The following PLCH1 variants were observed in gnomAD, a reference collection of about 807,000 sequenced individuals.
The protein encoded by PLCH1 is 1-phosphatidylinositol 4,5-bisphosphate phosphodiesterase eta-1.
Under a neutral mutation model 126.7 loss-of-function variants are expected in PLCH1, and 60 were observed. The ratio of observed to expected loss-of-function variants is 0.47; its 90% CI spans 0.38 to 0.59. The LOEUF is 0.59. Ranked by LOEUF, PLCH1 falls within the 20% of genes least tolerant of loss-of-function variation. PLCH1 has a pLI of 0.00. For missense variants in PLCH1, 1,723 were observed against 2,040.0 expected (o/e 0.84, Z 2.99); for synonymous variants, 719 against 734.9 (o/e 0.98, Z 0.35).
intron 13 of PLCH1, among the ~76,000 whole-genome samples, chr3:155,503,716 T>C (rs914070079): frequency 6.6e-6 from 1 of 152,156 alleles, no homozygotes; most frequent in African/African-American, 2.4e-5. Flanking sequence ...TTTTGTATTT[T>C]TAGTAGAGAC....
At chr3:155,593,895 CACAG>C (rs756419908) in intron 4 of PLCH1, 42 bp downstream of exon 4, 5 of 1,596,082 alleles carry the variant, frequency 3.1e-6, no homozygotes, top group Admixed American at 1.7e-5. Context: ...CACACGCATA[CACAG>C]AGAGCAAGAG....
intron 14 of PLCH1, 92 bp downstream of exon 14, chr3:155,500,611 A>G: frequency 2.6e-6 from 2 of 760,962 alleles, no homozygotes; most frequent in Non-Finnish European, 4.6e-6. Flanking sequence ...TTGTGATCCA[A>G]TTCTCTAGAC....
intron 1 of PLCH1, among the ~76,000 whole-genome samples, chr3:155,744,186 C>T (rs2109228420): frequency 6.6e-6 from 1 of 152,290 alleles, no homozygotes; most frequent in East Asian, 1.9e-4. Flanking sequence ...GCGTCTCGGA[C>T]CCGCAGCTCA....
chr3:155,676,395 G>A (rs1361092296), intron 2 of PLCH1: 5 of 1,013,856 alleles, frequency 4.9e-6, no homozygotes, highest in East Asian at 9.3e-5. Context: ...CGTGCAGCGC[G>A]TTAAAGCCCT....
At chr3:155,472,186 C>T (rs1186871887) in intron 21 of PLCH1, among the ~76,000 whole-genome samples, 1 of 151,222 alleles carries the variant, frequency 6.6e-6, no homozygotes, top group Non-Finnish European at 1.5e-5. Flanking sequence ...ACTAGCAAGA[C>T]TAATAAAGAA....
At chr3:155,744,469 A>T (rs1349575073) in intron 1 of PLCH1, among the ~76,000 whole-genome samples, 2 of 152,144 alleles carry the variant, frequency 1.3e-5, no homozygotes, top group East Asian at 1.9e-4. Flanking sequence ...TGGCGGTCAG[A>T]GAGAGGGTCC....
At chr3:155,741,696 T>TTTATTTTTATTTTTATTTTTA (rs1559977240) in intron 1 of PLCH1, among the ~76,000 whole-genome samples, 1 of 146,122 alleles carries the variant, frequency 6.8e-6, no homozygotes, top group Non-Finnish European at 1.5e-5. Flanking sequence ...TTTTTTTTTT[T>TTTATTTTTATTTTTATTTTTA]TTTTTTTTGT....
At chr3:155,457,103 C>A (rs907702062) in intron 21 of PLCH1, 2 of 152,344 alleles carry the variant, frequency 1.3e-5, no homozygotes, top group Admixed American at 6.5e-5. Context: ...CCTTGCGTTG[C>A]CCCGGACACT....
rs538201595 is a variant in PLCH1 at position 155,672,787 on chromosome 3, T to C, written c.79+31359A>G. 1.7e-4 allele frequency among the ~76,000 whole-genome samples: 26 copies of C among 152,298 alleles called. 1 individual carries two copies. The East Asian group carries it at 4.8e-3, about 28-fold the overall frequency. On this transcript the variant is annotated intron_variant, in intron 2 of 22. Transcript: ENST00000460012. ...AAGTGTATGCAGAAAAAGCAGCAGT[T>C]ATGAATTCTACAGCAGCTTTGATCA...
intron 2 of PLCH1, among the ~76,000 whole-genome samples, chr3:155,675,188 A>G (rs1302886958): frequency 6.6e-6 from 1 of 152,208 alleles, no homozygotes; most frequent in Non-Finnish European, 1.5e-5. Flanking sequence ...ATCTCCAGAC[A>G]GGCTTTCAGA....
chr3:155,652,594 C>A (rs1219578059), intron 2 of PLCH1, among the ~76,000 whole-genome samples: 2 of 152,166 alleles, frequency 1.3e-5, no homozygotes, highest in African/African-American at 4.8e-5. Flanking sequence ...TACTAGGTTT[C>A]ATCTACCATT....
At chr3:155,598,208 A>C (rs2108662420) in intron 2 of PLCH1, among the ~76,000 whole-genome samples, 1 of 152,278 alleles carries the variant, frequency 6.6e-6, no homozygotes, top group East Asian at 1.9e-4. Context: ...TACTTAAAAT[A>C]AACACACAAA....
In PLCH1 at chr3:155,485,408, C is replaced by G. The variant is rs777510559; in HGVS notation, c.2922G>C (p.Ser974=). Residue 974 remains serine (S), a synonymous_variant, in exon 22 of 23, where the codon TCG becomes TCC. Transcript: ENST00000460012. ...PVDRNLLGAL[S]LPVSETAKDI... ...CTTTTGCTGTTTCAGATACAGGCAG[C>G]GACAAAGCTCCCAGAAGGTTTCTGT... 1.9e-6 allele frequency: 3 copies of G among 1,609,892 alleles called. No individual in the cohort carries two copies. The highest frequency in any genetic ancestry group is 1.7e-6 in the Non-Finnish European group (2 of 1,176,474).
At chr3:155,731,674 G>A (rs879613020) in intron 1 of PLCH1, among the ~76,000 whole-genome samples, 19 of 152,120 alleles carry the variant, frequency 1.2e-4, no homozygotes, top group Admixed American at 1.2e-3. Flanking sequence ...CCAACCCACA[G>A]CCACAAACAT....
intron 2 of PLCH1, among the ~76,000 whole-genome samples, chr3:155,662,652 T>C (rs1489851554): frequency 6.6e-6 from 1 of 151,774 alleles, no homozygotes; most frequent in African/African-American, 2.4e-5. Context: ...GCCTTTCAGG[T>C]TTATGTATTT....
chr3:155,496,627 G>C (rs1041175273), intron 15 of PLCH1, among the ~76,000 whole-genome samples: 3 of 152,060 alleles, frequency 2.0e-5, no homozygotes, highest in Non-Finnish European at 2.9e-5. Context: ...TTTACATTTC[G>C]GTTCCACTAA....
intron 1 of PLCH1, among the ~76,000 whole-genome samples, chr3:155,721,189 G>T (rs1212305176): frequency 5.3e-5 from 8 of 152,200 alleles, no homozygotes; most frequent in African/African-American, 1.9e-4. Context: ...GTCTTGCTTT[G>T]GCTATGTGGG....
chr3:155,463,058 G>A (rs1460080006), intron 21 of PLCH1, among the ~76,000 whole-genome samples: 1 of 152,188 alleles, frequency 6.6e-6, no homozygotes, highest in Non-Finnish European at 1.5e-5. Flanking sequence ...TGTAAATCCA[G>A]TTATCTAGCT....
intron 2 of PLCH1, among the ~76,000 whole-genome samples, chr3:155,694,130 T>G (rs1745629166): frequency 1.3e-5 from 2 of 152,160 alleles, no homozygotes; most frequent in African/African-American, 4.8e-5. Context: ...ATAACCATTA[T>G]CAAATTCATG....
Sources: gnomAD v4.1 joint callset for allele counts (sites outside exome capture counted in the v4.1 genomes callset) on GRCh38, gnomAD v4.1.1 for gene constraint, MANE v1.5 for transcripts, NCBI Gene and HGNC (gene_info 2026-07-23, HGNC 2026-07-21) for gene names.